The following SMARCC2 variants were observed in gnomAD, a reference collection of about 807,000 sequenced individuals.
The protein encoded by SMARCC2 is SWI/SNF complex subunit SMARCC2.
Under a neutral mutation model 151.3 loss-of-function variants are expected in SMARCC2, and 15 were observed. That is an observed-to-expected ratio of 0.10 (90% confidence interval 0.07 to 0.15). The LOEUF is 0.15. Ranked by LOEUF, SMARCC2 falls within the 10% of genes least tolerant of loss-of-function variation. SMARCC2 has a pLI of 1.00. For synonymous variants in SMARCC2, 590 were observed against 609.5 expected (o/e 0.97, Z 0.47); for missense variants, 1,031 against 1,599.7 (o/e 0.64, Z 6.06).
intron 27 of SMARCC2, 120 bp from the exon 28 acceptor site, chr12:56,164,851 C>A: frequency 1.2e-6 from 1 of 860,532 alleles, no homozygotes; most frequent in Non-Finnish European, 1.8e-6. Flanking sequence ...TGCAGTGGCA[C>A]GATCTTGGCT....
intron 1 of SMARCC2, 51 bp from the exon 2 acceptor site, chr12:56,187,357 C>T (rs1877456068): frequency 6.4e-7 from 1 of 1,551,458 alleles, no homozygotes; most frequent in Non-Finnish European, 8.9e-7. Flanking sequence ...ATAAATTGTC[C>T]ACTATCTCCC....
At chr12:56,168,449 A>T (rs1000695631) in intron 25 of SMARCC2, among the ~76,000 whole-genome samples, 1 of 149,958 alleles carries the variant, frequency 6.7e-6, no homozygotes, top group Non-Finnish European at 1.5e-5. Flanking sequence ...ATCTCAGCTC[A>T]CTGTAACCTC....
intron 25 of SMARCC2, among the ~76,000 whole-genome samples, chr12:56,169,008 T>A (rs1317109618): frequency 6.6e-6 from 1 of 151,812 alleles, no homozygotes; most frequent in East Asian, 1.9e-4. Flanking sequence ...TAAACAAGCA[T>A]GGAGGCTGGG....
chr12:56,179,112 A>G, intron 11 of SMARCC2, 56 bp from the exon 12 acceptor site: 1 of 1,467,478 alleles, frequency 6.8e-7, no homozygotes, highest in Admixed American at 1.7e-5. Flanking sequence ...CAAGCCTTCA[A>G]TTTAATAGTT....
intron 8 of SMARCC2, 77 bp downstream of exon 8, chr12:56,181,927 A>G (rs1876290485): frequency 6.3e-7 from 1 of 1,591,738 alleles, no homozygotes; most frequent in African/African-American, 1.3e-5. Flanking sequence ...AGGGCATACA[A>G]GCCTCTGTTT....
chr12:56,170,271 ACTTT>A (rs2135674885), intron 22 of SMARCC2, 63 bp from the exon 23 acceptor site: 1 of 1,327,248 alleles, frequency 7.5e-7, no homozygotes, highest in Non-Finnish European at 1.0e-6. Context: ...TGTGTCTAAC[ACTTT>A]TCTTTTTTTT....
In SMARCC2 at chr12:56,171,444, A is replaced by G; in HGVS notation, c.2186-12T>C. 6.2e-7 allele frequency: 1 copy of G among 1,614,220 alleles called. No homozygotes were observed. The highest frequency in any genetic ancestry group is 2.2e-5 in the East Asian group (1 of 44,882). ...TTTGGAGAACTCCTCTGCAAGACCC[A>G]GAAAGAATGAGGCTGGGAGCGGCAC... On this transcript the variant is annotated splice_polypyrimidine_tract_variant and intron_variant, in intron 21 of 28. Coordinates refer to ENST00000550164, the MANE Select transcript of SMARCC2 (RefSeq NM_001330288.2). The surrounding 1 kb of genome is among the most constrained non-coding windows in gnomAD (Gnocchi z 4.2).
At chr12:56,169,390 T>C in intron 25 of SMARCC2, 139 bp downstream of exon 25, 1 of 1,091,280 alleles carries the variant, frequency 9.2e-7, no homozygotes, top group Non-Finnish European at 1.3e-6. Flanking sequence ...TGACTAACTT[T>C]ACCTCCTCCT....
Position 56,181,020 on chromosome 12 carries a change from G to A in SMARCC2, c.1038C>T (p.Pro346=). ...QEDLTKDMDE[P]SPVPNVEEVT... Reference sequence around the variant, plus strand: ...CCTCTTCTACATTGGGGACTGGTGAGGGCTCGTCCATGTCCTTTGTCAGGT... The same window carrying A: ...CCTCTTCTACATTGGGGACTGGTGAAGGCTCGTCCATGTCCTTTGTCAGGT... Residue 346 remains proline (P), a synonymous_variant, in exon 11 of 29, where the codon CCC becomes CCT. Transcript: ENST00000550164. The A allele has an allele frequency of 6.2e-7, 1 of 1,613,984 alleles. No individual in the cohort carries two copies. Among genetic ancestry groups the A allele is most frequent in the South Asian group, 1.1e-5 (1 of 91,064 alleles).
chr12:56,170,774 C>T (rs1402570659), intron 22 of SMARCC2, among the ~76,000 whole-genome samples: 2 of 145,280 alleles, frequency 1.4e-5, no homozygotes, highest in Admixed American at 1.4e-4. Context: ...GCTCTGTTGC[C>T]CAGGCTGGAG....
In SMARCC2 at chr12:56,186,349, C is replaced by CTT. The variant is rs371880557; in HGVS notation, c.232-111_232-110dup. ...AAAATCCCATGCTGAATTGATCTCC[C>CTT]TTTTTTTTTTTTTTTTTTGAGATGG... On this transcript the variant is annotated intron_variant, in intron 2 of 28. Transcript: ENST00000550164. The CTT allele has an allele frequency of 6.7e-3, 3,577 of 532,514 alleles. 1 individual carries two copies. The highest frequency in any genetic ancestry group is 7.9e-3 in the Middle Eastern group (19 of 2,390). 33.0% of individuals were successfully genotyped at this position (532,514 alleles called of 1,614,324 possible).
At position 56,178,066 on chromosome 12, in the gene SMARCC2, G is replaced by C. The variant is rs1478144193; in HGVS notation, c.1338C>G (p.Leu446=). The change falls in exon 15 of 29, where the codon CTC becomes CTG. Residue 446 remains leucine, a synonymous_variant. Transcript: ENST00000550164. ...TGTTCTTGCCGTTGAAGAACTCGGG[G>C]AGAGCCCTCCGCTCAATGGCATGAA... is the stretch of plus-strand genomic sequence containing the variant. ...NSVHAIERRA[L]PEFFNGKNKS... 6.2e-7 allele frequency: 1 copy of C among 1,613,786 alleles called. No individual in the cohort carries two copies. Among genetic ancestry groups the C allele is most frequent in the Non-Finnish European group, 8.5e-7 (1 of 1,179,726 alleles).
rs758381188 is a variant in SMARCC2 at position 56,169,544 on chromosome 12, G to GT, written c.2699_2700insA (p.Ala901ArgfsTer5). 1 of 1,614,068 alleles carries GT rather than the reference G, an allele frequency of 6.2e-7. No homozygotes were observed. The highest frequency in any genetic ancestry group is 8.5e-7 in the Non-Finnish European group (1 of 1,179,986). On this transcript the variant is annotated frameshift_variant, in exon 25 of 29. Transcript: ENST00000550164. LOFTEE classifies it high-confidence loss of function. The stretch of plus-strand genomic sequence containing the variant: ...CTGGCCTCACCTTAGCTTTCACTGC[G>GT]GCGGCGGCCAGGGCGGCGGCAGCAG...
chr12:56,181,551 T>C lies in SMARCC2; in HGVS notation c.887A>G (p.Tyr296Cys), dbSNP rs1235035012. 2 of 1,587,712 alleles carry C rather than the reference T, an allele frequency of 1.3e-6. No individual in the cohort carries two copies. Among genetic ancestry groups the C allele is most frequent in the South Asian group, 2.3e-5 (2 of 86,332 alleles). ...AGAGGGGGAGCGCTTCCTCTTCTTA[T>C]AGTTTCCCCCCTTCTTGTCCCGTCG... Reference protein sequence around the residue: ...SDRRDKKGGNYKKRKRSPSPS... With the variant: ...SDRRDKKGGNCKKRKRSPSPS... Residue 296 changes from tyrosine to cysteine, a missense_variant, in exon 10 of 29, where the codon TAT (tyrosine) becomes TGT (cysteine). Coordinates refer to ENST00000550164, the MANE Select transcript of SMARCC2 (RefSeq NM_001330288.2).
intron 9 of SMARCC2, 22 bp from the exon 10 acceptor site, chr12:56,181,619 C>T: frequency 6.2e-7 from 1 of 1,607,676 alleles, no homozygotes; most frequent in Non-Finnish European, 8.5e-7. Context: ...AGAATCAGGA[C>T]AAATGTCAGC....
chr12:56,175,833 A>G (rs537125029), intron 15 of SMARCC2, among the ~76,000 whole-genome samples: 22 of 152,168 alleles, frequency 1.4e-4, no homozygotes, highest in Non-Finnish European at 2.8e-4. Flanking sequence ...TAAGCTCTCA[A>G]TAGATGCAGG....
At chr12:56,163,815 T>C (rs750925894) in intron 28 of SMARCC2, 50 bp from the exon 29 acceptor site, 3 of 1,271,130 alleles carry the variant, frequency 2.4e-6, no homozygotes, top group Non-Finnish European at 3.2e-6. Context: ...GAGAGATGGC[T>C]CCAGACCCAG....
At chr12:56,184,772 G>A in intron 5 of SMARCC2, 72 bp downstream of exon 5, 1 of 905,796 alleles carries the variant, frequency 1.1e-6, no homozygotes, top group Non-Finnish European at 1.8e-6. Flanking sequence ...ATTCAGGGCT[G>A]CTGCTTGGTA....
At chr12:56,180,651 G>A (rs1375212016) in intron 11 of SMARCC2, among the ~76,000 whole-genome samples, 10 of 147,594 alleles carry the variant, frequency 6.8e-5, no homozygotes, top group African/African-American at 1.8e-4. Flanking sequence ...TGATCCGCCC[G>A]CCTCGGCCTC....
Sources: gnomAD v4.1 joint callset for allele counts (sites outside exome capture counted in the v4.1 genomes callset) on GRCh38, gnomAD v4.1.1 for gene constraint, Gnocchi (gnomAD v3.1) non-coding constraint, MANE v1.5 for transcripts, NCBI Gene and HGNC (gene_info 2026-07-23, HGNC 2026-07-21) for gene names.